SUDS3: variants seen among roughly 807,000 people sequenced by gnomAD.
The protein encoded by SUDS3 is SIN3A corepressor complex component SDS3, also known as sin3 histone deacetylase corepressor complex component SDS3.
Under a neutral mutation model 53.5 loss-of-function variants are expected in SUDS3, and 23 were observed. That is an observed-to-expected ratio of 0.43 (90% confidence interval 0.31 to 0.61). The LOEUF (loss-of-function observed/expected upper bound fraction) is 0.61, where lower values mean the gene tolerates loss of function less well. SUDS3 is among the 20% of genes least tolerant of loss of function. The pLI is 0.10. For synonymous variants in SUDS3, 150 were observed against 148.5 expected (o/e 1.01, Z -0.08); for missense variants, 291 against 405.9 (o/e 0.72, Z 2.43).
At chr12:118,384,227 G>A (rs977447196) in intron 3 of SUDS3, among the ~76,000 whole-genome samples, 160 bp downstream of exon 3, 2 of 152,124 alleles carry the variant, frequency 1.3e-5, no homozygotes, top group African/African-American at 4.8e-5. Context: ...TCAGTAAAGT[G>A]GTGATTTTCC....
At chr12:118,402,360 C>G (rs2046270790) in intron 9 of SUDS3, 1 of 302,396 alleles carries the variant, frequency 3.3e-6, no homozygotes, top group East Asian at 7.7e-5. Flanking sequence ...TTTCTAAAGC[C>G]AAGTCCTAGG....
Position 118,414,495 on chromosome 12 carries a change from C to G in SUDS3, c.*62C>G. The G allele has an allele frequency of 5.3e-6, 7 of 1,311,700 alleles. No homozygotes were observed. The Middle Eastern group carries it at 8.0e-4, about 150-fold the overall frequency. The allele number at this position is 1,311,700 out of a possible 1,614,324, so 81.3% of individuals were successfully genotyped here. On this transcript the variant is annotated 3_prime_UTR_variant, in exon 12 of 12. Coordinates refer to ENST00000543473, the MANE Select transcript of SUDS3 (RefSeq NM_022491.3). ...AGTGGGTTTTATTTTTGTTTTGTTT[C>G]GTTTTCTCCTTAATAGAAAAATGTT...
intron 6 of SUDS3, among the ~76,000 whole-genome samples, chr12:118,394,962 G>A (rs1478968842): frequency 1.3e-5 from 2 of 152,188 alleles, no homozygotes; most frequent in African/African-American, 4.8e-5. Context: ...TGGGATTACA[G>A]GAGTGAGCTA....
chr12:118,394,247 G>A (rs1370419431), intron 6 of SUDS3, among the ~76,000 whole-genome samples: 1 of 152,186 alleles, frequency 6.6e-6, no homozygotes, highest in Non-Finnish European at 1.5e-5. Flanking sequence ...CGTGAGATGA[G>A]ATAATGCCTA....
intron 6 of SUDS3, among the ~76,000 whole-genome samples, chr12:118,396,419 T>C (rs369691644): frequency 6.6e-6 from 1 of 151,932 alleles, no homozygotes; most frequent in African/African-American, 2.4e-5. Flanking sequence ...GCCCAGCTAG[T>C]TTTTTGTATT....
At chr12:118,386,226 T>C in intron 4 of SUDS3, 41 bp downstream of exon 4, 2 of 1,499,066 alleles carry the variant, frequency 1.3e-6, no homozygotes, top group Non-Finnish European at 1.8e-6. Flanking sequence ...CTTTCAATGT[T>C]TGACCATTTG....
chr12:118,378,401 CTTTT>C (rs758640851), intron 1 of SUDS3, among the ~76,000 whole-genome samples: 4 of 150,762 alleles, frequency 2.7e-5, no homozygotes, highest in Non-Finnish European at 5.9e-5. Context: ...CATGTGCAGA[CTTTT>C]TTTTTGTTAT....
intron 6 of SUDS3, among the ~76,000 whole-genome samples, chr12:118,396,575 A>G (rs2046217364): frequency 2.0e-5 from 3 of 152,218 alleles, no homozygotes; most frequent in African/African-American, 7.2e-5. Context: ...TTTTTTAAGG[A>G]TGACCCTTTG....
At chr12:118,400,542 C>T (rs1193193445) in intron 6 of SUDS3, 117 bp from the exon 7 acceptor site, 6 of 904,610 alleles carry the variant, frequency 6.6e-6, no homozygotes, top group African/African-American at 1.7e-5. Context: ...AGAACAAACA[C>T]CCCCAGTAAA....
rs2046043084 is a variant in SUDS3, at chr12:118,380,152, C to T, written c.143-10C>T. The T allele has an allele frequency of 6.2e-7, 1 of 1,602,114 alleles. No homozygotes were observed. Among genetic ancestry groups the T allele is most frequent in the Admixed American group, 1.7e-5 (1 of 58,294 alleles). On this transcript the variant is annotated splice_polypyrimidine_tract_variant and intron_variant, in intron 1 of 11. Transcript: ENST00000543473. ...ATTTTAACTAGCCCCTATTTCCTAA[C>T]TTTATTCAGACACTGAGGATGCTAG...
rs2088704 is a variant in SUDS3, at chr12:118,408,319, C to G, written c.804-2754C>G. On this transcript the variant is annotated intron_variant, in intron 10 of 11. Coordinates refer to ENST00000543473, the MANE Select transcript of SUDS3 (RefSeq NM_022491.3). ...AAAGTGCTAGGATTACAAGCATGAG[C>G]CACCATACCTGGCCAGTTTTTTTTT... 6.5e-3 allele frequency among the ~76,000 whole-genome samples: 981 copies of G among 151,268 alleles called. 12 individuals are homozygous for G. The highest frequency in any genetic ancestry group is 0.022 in the African/African-American group (924 of 41,198).
At position 118,414,417 on chromosome 12, in the gene SUDS3, G is replaced by C; in HGVS notation, c.971G>C (p.Arg324Pro). 6.3e-7 allele frequency: 1 copy of C among 1,592,010 alleles called. No individual in the cohort carries two copies. Among genetic ancestry groups the C allele is most frequent in the Non-Finnish European group, 8.5e-7 (1 of 1,169,904 alleles). The change falls in exon 12 of 12, where the codon CGG becomes CCG. Residue 324 changes from arginine (R) to proline (P), a missense_variant. Arg to Pro is a moderately radical substitution (Grantham distance 103, BLOSUM62 -2). Transcript: ENST00000543473. ...CAGCGCGGGCTCTTCGTGATCCGCC[G>C]GCGCTCAGCTGCTTGACTTTCTACA... is the stretch of plus-strand genomic sequence containing the variant. Reference protein sequence around the residue: ...QLQRGLFVIRRRSAA With the variant: ...QLQRGLFVIRPRSAA
chr12:118,388,348 A>C (rs1295290976), intron 4 of SUDS3, among the ~76,000 whole-genome samples: 1 of 152,206 alleles, frequency 6.6e-6, no homozygotes, highest in African/African-American at 2.4e-5. Context: ...GAAGGGGTCC[A>C]TAGCATTTGC....
Position 118,402,137 on chromosome 12 carries a change from T to A in SUDS3, c.697+133T>A, listed in dbSNP as rs1303862119. 3.1e-6 allele frequency: 3 copies of A among 977,942 alleles called. No homozygotes were observed. The African/African-American group carries it at 4.9e-5, about 16-fold the overall frequency. The allele number at this position is 977,942 out of a possible 1,614,324, so 60.6% of individuals were successfully genotyped here. A position where few individuals can be genotyped will look rare whatever the true frequency, so the allele number is the denominator to read the frequency against. ...ATCATTTGCCTAAGAGTAGTCATCATGAAAACTGAAGGGGACCTTAACTAT... is the reference window on the plus strand; with the variant it reads ...ATCATTTGCCTAAGAGTAGTCATCAAGAAAACTGAAGGGGACCTTAACTAT... On this transcript the variant is annotated intron_variant, in intron 9 of 11. Transcript: ENST00000543473.
At chr12:118,390,996 A>C (rs61943397) in intron 5 of SUDS3, 130 bp from the exon 6 acceptor site, 13 of 1,045,298 alleles carry the variant, frequency 1.2e-5, no homozygotes, top group Admixed American at 3.6e-5. Flanking sequence ...TCTCAGACAC[A>C]CTGTTACTGC....
chr12:118,378,897 A>G (rs1593747839), intron 1 of SUDS3, among the ~76,000 whole-genome samples: 1 of 151,148 alleles, frequency 6.6e-6, no homozygotes, highest in Non-Finnish European at 1.5e-5. Context: ...CTGGTCTCGA[A>G]CTCCCGACCT....
chr12:118,407,492 G>T (rs2046318241), intron 10 of SUDS3, among the ~76,000 whole-genome samples: 5 of 152,172 alleles, frequency 3.3e-5, no homozygotes, highest in Admixed American at 3.3e-4. Context: ...CCAAGTTCCA[G>T]ACCACTTCCC....
At chr12:118,378,469 T>C (rs1239012839) in intron 1 of SUDS3, among the ~76,000 whole-genome samples, 2 of 151,736 alleles carry the variant, frequency 1.3e-5, no homozygotes, top group Admixed American at 6.6e-5. Flanking sequence ...TTTTATTGGA[T>C]ATTGTAAGTA....
At chr12:118,384,570 C>T (rs1468296871) in intron 3 of SUDS3, among the ~76,000 whole-genome samples, 1 of 152,030 alleles carries the variant, frequency 6.6e-6, no homozygotes, top group Non-Finnish European at 1.5e-5. Context: ...CGGTGGCTCA[C>T]ACCTGTAATC....
Sources: allele counts gnomAD v4.1 joint callset (sites outside exome capture counted in the v4.1 genomes callset), GRCh38; gene constraint gnomAD v4.1.1; transcripts MANE v1.5; gene names NCBI Gene and HGNC (gene_info 2026-07-23, HGNC 2026-07-21).